The following FXYD6 variants were observed in gnomAD, a reference collection of about 807,000 sequenced individuals.
FXYD6 encodes the protein FXYD domain containing ion transport regulator 6.
In FXYD6, 7 loss-of-function variants were observed where a neutral mutation model predicts 16.7. The observed-to-expected ratio is 0.42, with a 90% CI of 0.24 to 0.79. The LOEUF (loss-of-function observed/expected upper bound fraction) is 0.79, where lower values mean the gene tolerates loss of function less well. FXYD6 is among the 30% of genes least tolerant of loss of function. The pLI is 0.28. For missense variants in FXYD6, 111 were observed against 116.2 expected (o/e 0.95, Z 0.21); for synonymous variants, 49 against 43.0 (o/e 1.14, Z -0.54).
chr11:117,867,073 T>C (rs547218939), intron 1 of FXYD6, among the ~76,000 whole-genome samples: 122 of 152,296 alleles, frequency 8.0e-4, no homozygotes, highest in African/African-American at 2.7e-3. Flanking sequence ...TTTAATCAGA[T>C]TGCTTTCCAC....
chr11:117,848,265 G>A (rs1250719530), intron 1 of FXYD6, among the ~76,000 whole-genome samples: 3 of 152,048 alleles, frequency 2.0e-5, no homozygotes, highest in Non-Finnish European at 4.4e-5. Flanking sequence ...TTTCCAAGCT[G>A]TTTCTGTTTT....
intron 2 of FXYD6, chr11:117,842,273 A>G (rs2056366443): frequency 3.3e-6 from 2 of 598,576 alleles, no homozygotes; most frequent in East Asian, 2.8e-5. Flanking sequence ...CAACACCCAC[A>G]TTCATTGCCC....
intron 1 of FXYD6, among the ~76,000 whole-genome samples, chr11:117,860,888 GAC>G: frequency 6.6e-6 from 1 of 152,172 alleles, no homozygotes; most frequent in African/African-American, 2.4e-5. Context: ...CCTTTACACA[GAC>G]GGGCAGACTG....
intron 1 of FXYD6, among the ~76,000 whole-genome samples, chr11:117,851,313 G>T (rs1217340879): frequency 6.6e-6 from 1 of 152,126 alleles, no homozygotes; most frequent in Non-Finnish European, 1.5e-5. Context: ...CTCTCGGATT[G>T]CTTGTTCTGA....
At chr11:117,869,493 A>G (rs2057087918) in intron 1 of FXYD6, among the ~76,000 whole-genome samples, 1 of 152,236 alleles carries the variant, frequency 6.6e-6, no homozygotes, top group Non-Finnish European at 1.5e-5. Context: ...CTGAGTCGTC[A>G]GGTACCCTGG....
rs1405584157 is a variant in FXYD6, at chr11:117,870,094, T to C, written c.-6+6498A>G. ...ACTGTGGCATCCCAGCCATCACCCA[T>C]GGACTTCTCACAACAGCCCTCAGAA... On this transcript the variant is annotated intron_variant, in intron 1 of 7. Transcript: ENST00000526014. This position sits in a 1 kb window ranked among gnomAD's most constrained non-coding sequence, Gnocchi z 4.2. 1.3e-5 allele frequency among the ~76,000 whole-genome samples: 2 copies of C among 152,204 alleles called. No homozygotes were observed. Among genetic ancestry groups the C allele is most frequent in the Admixed American group, 6.5e-5 (1 of 15,290 alleles).
At chr11:117,867,205 ATT>A (rs529143391) in intron 1 of FXYD6, among the ~76,000 whole-genome samples, 146 of 152,330 alleles carry the variant, frequency 9.6e-4, no homozygotes, top group African/African-American at 3.2e-3. Flanking sequence ...GTTAACAAAT[ATT>A]TATTGATGGC....
intron 1 of FXYD6, among the ~76,000 whole-genome samples, chr11:117,845,378 CTT>C (rs977799362): frequency 6.6e-6 from 1 of 152,146 alleles, no homozygotes; most frequent in African/African-American, 2.4e-5. Context: ...TCACCTTGCT[CTT>C]TGTCTTAAAA....
At chr11:117,842,344 G>C (rs1246237315) in intron 2 of FXYD6, 2 of 563,558 alleles carry the variant, frequency 3.5e-6, no homozygotes. Flanking sequence ...GACACACGGA[G>C]AAACCGAGAC....
At chr11:117,839,472 A>G in intron 7 of FXYD6, 1 of 410,254 alleles carries the variant, frequency 2.4e-6, no homozygotes, top group Non-Finnish European at 4.3e-6. Flanking sequence ...TGAGATTAGG[A>G]GCATTTCACT....
chr11:117,845,073 TGC>T (rs2056441029), intron 1 of FXYD6, among the ~76,000 whole-genome samples: 1 of 152,232 alleles, frequency 6.6e-6, no homozygotes, highest in South Asian at 2.1e-4. Flanking sequence ...TACAAACTTA[TGC>T]ATTCGTCACC....
At chr11:117,855,165 A>C (rs774437711) in intron 1 of FXYD6, among the ~76,000 whole-genome samples, 2 of 152,196 alleles carry the variant, frequency 1.3e-5, no homozygotes, top group African/African-American at 2.4e-5. Flanking sequence ...TTGAGTGCCA[A>C]GCTAAAGAGT....
In FXYD6 at chr11:117,846,845, T is replaced by C. The variant is rs575791089; in HGVS notation, c.-5-4064A>G. Among the ~76,000 whole-genome samples the C allele has an allele frequency of 3.9e-5, 6 of 152,334 alleles. No individual in the cohort carries two copies. The South Asian group carries it at 1.2e-3, about 32-fold the overall frequency. On this transcript the variant is annotated intron_variant, in intron 1 of 7. Coordinates refer to ENST00000526014, the MANE Select transcript of FXYD6 (RefSeq NM_022003.4). ...CTCCTCTTCCCTCTCCTCCTCTTTC[T>C]TCAGGAATGTCTTCATTATTCTTGG...
rs549945287 is a variant in FXYD6 at position 117,867,950 on chromosome 11, G to A, written c.-6+8642C>T. Among the ~76,000 whole-genome samples, 7 of 152,208 alleles carry A rather than the reference G, an allele frequency of 4.6e-5. 1 individual carries two copies. The highest frequency in any genetic ancestry group is 1.2e-4 in the African/African-American group (5 of 41,538). Reference sequence around the variant, plus strand: ...CCAAGGGCAGTGTAGCCAAGGTATCGGTAATTTTGAGAATCTCCCCCACTC... The same window carrying A: ...CCAAGGGCAGTGTAGCCAAGGTATCAGTAATTTTGAGAATCTCCCCCACTC... On this transcript the variant is annotated intron_variant, in intron 1 of 7. Transcript: ENST00000526014.
At chr11:117,866,402 A>AT (rs1487561461) in intron 1 of FXYD6, among the ~76,000 whole-genome samples, 1 of 152,206 alleles carries the variant, frequency 6.6e-6, no homozygotes, top group Non-Finnish European at 1.5e-5. Flanking sequence ...GGCTCACCTG[A>AT]TGAGGGTGTT....
chr11:117,876,080 T>A (rs907750654), intron 1 of FXYD6, among the ~76,000 whole-genome samples: 1 of 152,010 alleles, frequency 6.6e-6, no homozygotes, highest in East Asian at 1.9e-4. Flanking sequence ...TGCGCCCCCA[T>A]CCTGTGCCCA....
At chr11:117,842,186 G>A in intron 2 of FXYD6, 158 bp from the exon 3 acceptor site, 1 of 1,087,410 alleles carries the variant, frequency 9.2e-7, no homozygotes, top group Non-Finnish European at 1.3e-6. Flanking sequence ...GGGCGGGCCT[G>A]CCAGTTAGGG....
chr11:117,876,954 G>A (rs1206457567), upstream of FXYD6: 2 of 152,280 alleles, frequency 1.3e-5, no homozygotes, highest in Admixed American at 6.5e-5. Context: ...GTCAAGCTCC[G>A]AGAAGCAACA....
In FXYD6 at chr11:117,872,096, G is replaced by A. The variant is rs2057150728; in HGVS notation, c.-6+4496C>T. On this transcript the variant is annotated intron_variant, in intron 1 of 7. Transcript: ENST00000526014. This position sits in a 1 kb window ranked among gnomAD's most constrained non-coding sequence, Gnocchi z 4.9. The stretch of plus-strand genomic sequence containing the variant: ...TTTGAGCAGAGGAGTGGCAAACCTG[G>A]ACCTGAGCTGTAACATCAGTGGGTA... Among the ~76,000 whole-genome samples the A allele has an allele frequency of 1.3e-5, 2 of 152,260 alleles. No individual in the cohort carries two copies. Among genetic ancestry groups the A allele is most frequent in the East Asian group, 3.9e-4 (2 of 5,166 alleles).
Sources: allele counts gnomAD v4.1 joint callset (sites outside exome capture counted in the v4.1 genomes callset), GRCh38; gene constraint gnomAD v4.1.1; non-coding constraint Gnocchi (gnomAD v3.1); transcripts MANE v1.5; gene names NCBI Gene and HGNC (gene_info 2026-07-23, HGNC 2026-07-21).